The following TMEM178B variants were observed in gnomAD, a reference collection of about 807,000 sequenced individuals.
TMEM178B encodes the protein transmembrane protein 178B.
Under a neutral mutation model 31.0 loss-of-function variants are expected in TMEM178B, and 5 were observed. That is an observed-to-expected ratio of 0.16 (90% confidence interval 0.08 to 0.34). TMEM178B has a LOEUF of 0.34. Ranked by LOEUF, TMEM178B falls within the 10% of genes least tolerant of loss-of-function variation. The pLI, the probability that TMEM178B is intolerant of heterozygous loss-of-function variation, is 1.00. For missense variants in TMEM178B, 275 were observed against 400.3 expected, an observed-to-expected ratio of 0.69 and a Z score of 2.67; for synonymous variants, 164 against 164.0, an observed-to-expected ratio of 1.00 and a Z score of 0.00.
At chr7:141,111,021 T>G (rs947530236) in intron 1 of TMEM178B, among the ~76,000 whole-genome samples, 3 of 152,224 alleles carry the variant, frequency 2.0e-5, no homozygotes, top group Non-Finnish European at 4.4e-5. Flanking sequence ...AAACATCTGT[T>G]GTTTAAGCCA....
intron 3 of TMEM178B, among the ~76,000 whole-genome samples, chr7:141,441,252 C>A (rs528865387): frequency 1.3e-5 from 2 of 152,198 alleles, no homozygotes; most frequent in Non-Finnish European, 2.9e-5. Context: ...ACCTCTAGAA[C>A]CCTGTATGTC....
chr7:141,130,883 C>T (rs1192211180), intron 1 of TMEM178B, among the ~76,000 whole-genome samples: 1 of 152,132 alleles, frequency 6.6e-6, no homozygotes, highest in African/African-American at 2.4e-5. Flanking sequence ...AGCAAGATGG[C>T]CTTTTAAGTA....
the TMEM178B span, among the ~76,000 whole-genome samples, chr7:141,510,365 A>T: frequency 6.6e-6 from 1 of 152,150 alleles, no homozygotes; most frequent in Non-Finnish European, 1.5e-5. Context: ...CAGAGCAAGA[A>T]CTAAAAGGAA....
chr7:141,379,477 C>CATCA (rs966813038), intron 2 of TMEM178B, among the ~76,000 whole-genome samples: 3 of 151,930 alleles, frequency 2.0e-5, no homozygotes, highest in Non-Finnish European at 2.9e-5. Context: ...AGAGTAAATC[C>CATCA]CTGTCTAAAA....
intron 2 of TMEM178B, among the ~76,000 whole-genome samples, chr7:141,242,063 C>T (rs984156353): frequency 2.0e-5 from 3 of 152,120 alleles, no homozygotes. Context: ...TTATTCCAGA[C>T]ATATTTAAAA....
intron 1 of TMEM178B, among the ~76,000 whole-genome samples, chr7:141,183,362 T>A (rs1359598978): frequency 6.6e-6 from 1 of 152,210 alleles, no homozygotes; most frequent in Non-Finnish European, 1.5e-5. Flanking sequence ...CACAGGAAAT[T>A]AATTTGGTAA....
chr7:141,168,931 G>A (rs1472205401), intron 1 of TMEM178B, among the ~76,000 whole-genome samples: 1 of 152,148 alleles, frequency 6.6e-6, no homozygotes, highest in Non-Finnish European at 1.5e-5. Context: ...TCAAATCAGA[G>A]CAATTGGGAT....
At chr7:141,437,530 C>A in intron 2 of TMEM178B, 78 bp from the exon 3 acceptor site, 1 of 1,504,258 alleles carries the variant, frequency 6.6e-7, no homozygotes. Flanking sequence ...CTCTCTGCAC[C>A]CACCCCAGGG....
intron 1 of TMEM178B, among the ~76,000 whole-genome samples, chr7:141,181,778 C>T (rs1254406666): frequency 6.6e-6 from 1 of 152,164 alleles, no homozygotes; most frequent in Admixed American, 6.5e-5. Flanking sequence ...TCCCTTATTT[C>T]CTGAAAACTC....
chr7:141,414,115 C>T lies in TMEM178B; in HGVS notation c.497-23493C>T, dbSNP rs61565408. On this transcript the variant is annotated intron_variant, in intron 2 of 3. Coordinates refer to ENST00000565468, the MANE Select transcript of TMEM178B (RefSeq NM_001195278.2). ...TTTTTTTTTTTTTGAGACGGAGTCCCGCTGTTTAGCCCAGGCCGGATTGCA... is the reference window on the plus strand; with the variant it reads ...TTTTTTTTTTTTTGAGACGGAGTCCTGCTGTTTAGCCCAGGCCGGATTGCA... Among the ~76,000 whole-genome samples the T allele has an allele frequency of 4.5e-3, 73 of 16,188 alleles. 22 individuals carry two copies. In the East Asian group the frequency reaches 0.11, roughly 24 times the overall value. The allele number at this position is 16,188 out of a possible 152,430, so 10.6% of individuals were successfully genotyped here. A position where few individuals can be genotyped will look rare whatever the true frequency, so the allele number is the denominator to read the frequency against.
intron 3 of TMEM178B, among the ~76,000 whole-genome samples, chr7:141,446,562 T>C (rs1801761618): frequency 6.6e-6 from 1 of 152,222 alleles, no homozygotes; most frequent in Admixed American, 6.5e-5. Flanking sequence ...TCTTCCATTC[T>C]CTGCCTCTTG....
intron 2 of TMEM178B, among the ~76,000 whole-genome samples, chr7:141,306,324 G>A (rs1322661900): frequency 3.3e-5 from 5 of 152,182 alleles, no homozygotes; most frequent in Non-Finnish European, 7.3e-5. Context: ...GGCCATCATG[G>A]AGGGATGCCC....
intron 2 of TMEM178B, among the ~76,000 whole-genome samples, chr7:141,427,402 A>G (rs1039525947): frequency 3.3e-5 from 5 of 152,218 alleles, no homozygotes; most frequent in Non-Finnish European, 5.9e-5. Flanking sequence ...ATAAAGCCAC[A>G]TGTTTACAGC....
chr7:141,242,477 AGTGTGTGTGTGT>A (rs66723569), intron 2 of TMEM178B, among the ~76,000 whole-genome samples: 4 of 140,444 alleles, frequency 2.8e-5, no homozygotes, highest in Non-Finnish European at 6.2e-5. Flanking sequence ...ACTTTGTGTG[AGTGTGTGTGTGT>A]GTGTGTGTGT....
At chr7:141,151,117 C>A (rs1795966387) in intron 1 of TMEM178B, among the ~76,000 whole-genome samples, 1 of 152,118 alleles carries the variant, frequency 6.6e-6, no homozygotes, top group South Asian at 2.1e-4. Flanking sequence ...AGATGAAGGA[C>A]ACAGAGGAAA....
rs1563157482 is a variant in TMEM178B, at chr7:141,344,608, CT to C, written c.497-92998del. ...CCTTCCTTCCTTCCTTCCTTCCTTC[CT>C]TCCTTCCTTCCTTCCTTCCTCCCTT... is the stretch of plus-strand genomic sequence containing the variant. On this transcript the variant is annotated intron_variant, in intron 2 of 3. Coordinates refer to ENST00000565468, the MANE Select transcript of TMEM178B (RefSeq NM_001195278.2). The surrounding 1 kb of genome is among the most constrained non-coding windows in gnomAD (Gnocchi z 4.1). Among the ~76,000 whole-genome samples the C allele has an allele frequency of 4.6e-5, 7 of 150,920 alleles. No homozygotes were observed. In the South Asian group the frequency reaches 1.1e-3, roughly 23 times the overall value.
At chr7:141,094,112 C>T (rs1794921249) in intron 1 of TMEM178B, among the ~76,000 whole-genome samples, 1 of 151,362 alleles carries the variant, frequency 6.6e-6, no homozygotes, top group African/African-American at 2.4e-5. Context: ...GCAGAAAAAA[C>T]AAAAAGGAGA....
rs55960871 is a variant in TMEM178B at position 141,369,316 on chromosome 7, CGTGTGTGTGTGT to C, written c.497-68261_497-68250del. Among the ~76,000 whole-genome samples the C allele has an allele frequency of 4.7e-4, 65 of 138,446 alleles. 1 individual carries two copies. The highest frequency in any genetic ancestry group is 1.2e-3 in the Admixed American group (17 of 14,014). 90.8% of individuals were successfully genotyped at this position (138,446 alleles called of 152,430 possible). The stretch of plus-strand genomic sequence containing the variant: ...CTTTCTCTCTGTCTCTCCGCGCCGA[CGTGTGTGTGTGT>C]GTGTGTGTGTGTGTGTGTGTGTGTG... On this transcript the variant is annotated intron_variant, in intron 2 of 3. Coordinates refer to ENST00000565468, the MANE Select transcript of TMEM178B (RefSeq NM_001195278.2).
chr7:141,098,777 A>G (rs1756427846), intron 1 of TMEM178B, among the ~76,000 whole-genome samples: 1 of 152,210 alleles, frequency 6.6e-6, no homozygotes, highest in Non-Finnish European at 1.5e-5. Context: ...GGCCATTTCC[A>G]TGTGCGTATC....
Sources: gnomAD v4.1 joint callset for allele counts (sites outside exome capture counted in the v4.1 genomes callset) on GRCh38, gnomAD v4.1.1 for gene constraint, Gnocchi (gnomAD v3.1) non-coding constraint, MANE v1.5 for transcripts, NCBI Gene and HGNC (gene_info 2026-07-23, HGNC 2026-07-21) for gene names.